The following MSI2 variants were observed in gnomAD, a reference collection of about 807,000 sequenced individuals.
MSI2 encodes RNA-binding protein Musashi homolog 2.
MSI2 carries 17 observed loss-of-function variants against 45.6 expected under a neutral mutation model. That is an observed-to-expected ratio of 0.37 (90% CI 0.26 to 0.56). The LOEUF (loss-of-function observed/expected upper bound fraction) is 0.56, where lower values mean the gene tolerates loss of function less well. MSI2 is among the 20% of genes least tolerant of loss of function. The probability of loss-of-function intolerance (pLI) is 0.77; values close to 1 mark genes in which losing one functional copy is unlikely to be tolerated. For synonymous variants in MSI2, 156 were observed against 158.2 expected (o/e 0.99, Z 0.11); for missense variants, 293 against 444.2 (o/e 0.66, Z 3.06).
chr17:57,323,180 C>A (rs557035570), intron 5 of MSI2, among the ~76,000 whole-genome samples: 2 of 152,296 alleles, frequency 1.3e-5, no homozygotes, highest in South Asian at 2.1e-4. Context: ...AAGATTCCCA[C>A]CCCCAAGGCA....
intron 10 of MSI2, among the ~76,000 whole-genome samples, chr17:57,635,446 G>A (rs922301130): frequency 2.0e-5 from 3 of 152,348 alleles, no homozygotes; most frequent in East Asian, 1.9e-4. Flanking sequence ...CTCTCCCTGC[G>A]TGGGGCTGGC....
intron 6 of MSI2, among the ~76,000 whole-genome samples, chr17:57,462,304 G>C (rs1448455602): frequency 6.6e-6 from 1 of 152,180 alleles, no homozygotes; most frequent in African/African-American, 2.4e-5. Flanking sequence ...TCACCTGCCT[G>C]GCCCTTCATG....
chr17:57,531,769 G>A (rs1204481295), intron 7 of MSI2: 1 of 152,250 alleles, frequency 6.6e-6, no homozygotes, highest in African/African-American at 2.4e-5. Flanking sequence ...GGAGAGGGCT[G>A]GTCATGGCAG....
At chr17:57,371,547 G>A (rs977191997) in intron 5 of MSI2, among the ~76,000 whole-genome samples, 6 of 48,604 alleles carry the variant, frequency 1.2e-4, no homozygotes, top group African/African-American at 5.9e-4. Context: ...AGAGACACAG[G>A]TATACACACA....
rs375807865 is a variant in MSI2, at chr17:57,552,173, A to T, written c.454+22449A>T. Reference sequence around the variant, plus strand: ...CTCTGTCCCCCGACTTCCTCACTAGACCCTCAGGCCATCTGGTCGTGAGGT... The same window carrying T: ...CTCTGTCCCCCGACTTCCTCACTAGTCCCTCAGGCCATCTGGTCGTGAGGT... On this transcript the variant is annotated intron_variant, in intron 7 of 13. Coordinates refer to ENST00000284073, the MANE Select transcript of MSI2 (RefSeq NM_138962.4). The surrounding 1 kb of genome is among the most constrained non-coding windows in gnomAD (Gnocchi z 4.3). Among the ~76,000 whole-genome samples, 23 of 152,184 alleles carry T rather than the reference A, an allele frequency of 1.5e-4. No homozygotes were observed. The highest frequency in any genetic ancestry group is 5.3e-4 in the African/African-American group (22 of 41,524).
chr17:57,624,924 C>T (rs574948036), intron 9 of MSI2, among the ~76,000 whole-genome samples: 1 of 152,300 alleles, frequency 6.6e-6, no homozygotes, highest in South Asian at 2.1e-4. Flanking sequence ...TTATGAACAA[C>T]AAACATTTAT....
At chr17:57,687,005 G>GCCCC (rs36159001), downstream of MSI2, among the ~76,000 whole-genome samples, 1 of 147,138 alleles carries the variant, frequency 6.8e-6, no homozygotes, top group African/African-American at 2.5e-5. Flanking sequence ...TTGGCCAGCA[G>GCCCC]CCCCCCCCCC....
intron 6 of MSI2, among the ~76,000 whole-genome samples, chr17:57,504,024 C>T (rs1459088816): frequency 2.0e-5 from 3 of 152,198 alleles, no homozygotes; most frequent in Non-Finnish European, 2.9e-5. Flanking sequence ...CATGAGCCAC[C>T]GCGCCCGGCC....
rs895848966 is a variant in MSI2, at chr17:57,596,116, G to C, written c.455-752G>C. ...GGGGCCACATGCTGGAAACGCTGTC[G>C]GAGGCGGGAGGAGAAGAAAGAAAGG... is the stretch of plus-strand genomic sequence containing the variant. On this transcript the variant is annotated intron_variant, in intron 7 of 13. Transcript: ENST00000284073. The surrounding 1 kb of genome is among the most constrained non-coding windows in gnomAD (Gnocchi z 4.6). 3.9e-5 allele frequency among the ~76,000 whole-genome samples: 6 copies of C among 152,188 alleles called. No homozygotes were observed. The highest frequency in any genetic ancestry group is 1.4e-4 in the African/African-American group (6 of 41,442).
chr17:57,380,050 T>C (rs1040776313), intron 5 of MSI2, among the ~76,000 whole-genome samples: 2 of 151,834 alleles, frequency 1.3e-5, no homozygotes, highest in Non-Finnish European at 2.9e-5. Flanking sequence ...ATAGGCTAAT[T>C]GGAGATAGAA....
At chr17:57,649,467 A>G (rs1910961434) in intron 10 of MSI2, among the ~76,000 whole-genome samples, 1 of 151,966 alleles carries the variant, frequency 6.6e-6, no homozygotes, top group East Asian at 1.9e-4. Flanking sequence ...CAACACACAC[A>G]TCCACATACA....
At chr17:57,481,882 G>A (rs925441646) in intron 6 of MSI2, among the ~76,000 whole-genome samples, 2 of 152,256 alleles carry the variant, frequency 1.3e-5, no homozygotes, top group African/African-American at 4.8e-5. Flanking sequence ...GTTAAGACAC[G>A]GGTAGGAAAG....
chr17:57,416,914 G>A (rs1481272887), intron 6 of MSI2, among the ~76,000 whole-genome samples: 1 of 152,222 alleles, frequency 6.6e-6, no homozygotes, highest in East Asian at 1.9e-4. Context: ...ACCCAAGCTA[G>A]GTATTAAGCA....
intron 5 of MSI2, among the ~76,000 whole-genome samples, chr17:57,303,821 G>A (rs191121773): frequency 2.6e-5 from 4 of 152,282 alleles, no homozygotes; most frequent in East Asian, 1.9e-4. Context: ...GTTCAGTAGC[G>A]TAATGGGCCG....
chr17:57,633,139 C>T lies in MSI2; in HGVS notation c.727+5836C>T, dbSNP rs72834947. 16 of 1,022,832 alleles carry T rather than the reference C, an allele frequency of 1.6e-5. No homozygotes were observed. The South Asian group carries it at 5.6e-4, about 36-fold the overall frequency. The allele number at this position is 1,022,832 out of a possible 1,614,324, so 63.4% of individuals were successfully genotyped here. ...TCCCTGATGACGTTTTATTTTTTTT[C>T]CCCTGTAAGCAACCGAGGTAGAAAA... On this transcript the variant is annotated intron_variant, in intron 10 of 13. Coordinates refer to ENST00000284073, the MANE Select transcript of MSI2 (RefSeq NM_138962.4).
At chr17:57,391,373 C>T (rs930792300) in intron 5 of MSI2, among the ~76,000 whole-genome samples, 3 of 152,088 alleles carry the variant, frequency 2.0e-5, no homozygotes, top group Admixed American at 6.6e-5. Context: ...GAACGGAGAA[C>T]GTGAGGCTCG....
intron 5 of MSI2, among the ~76,000 whole-genome samples, chr17:57,400,702 G>T (rs1194511459): frequency 6.6e-6 from 1 of 152,012 alleles, no homozygotes; most frequent in Non-Finnish European, 1.5e-5. Context: ...CTGGAGGAAG[G>T]TTACAACTTG....
chr17:57,448,921 A>T (rs934267714), intron 6 of MSI2: 2 of 152,216 alleles, frequency 1.3e-5, no homozygotes, highest in African/African-American at 4.8e-5. Flanking sequence ...GATTGGAGCG[A>T]GGATCACACA....
intron 7 of MSI2, among the ~76,000 whole-genome samples, chr17:57,589,644 C>T (rs183525816): frequency 1.8e-3 from 274 of 152,320 alleles, no homozygotes; most frequent in Non-Finnish European, 2.3e-3. Context: ...CTTGCCAGGC[C>T]GGTCCCTCTC....
Sources: gnomAD v4.1 joint callset for allele counts (sites outside exome capture counted in the v4.1 genomes callset) on GRCh38, gnomAD v4.1.1 for gene constraint, Gnocchi (gnomAD v3.1) non-coding constraint, MANE v1.5 for transcripts, NCBI Gene and HGNC (gene_info 2026-07-23, HGNC 2026-07-21) for gene names.